The following LINGO2 variants were observed in gnomAD, a reference collection of about 807,000 sequenced individuals.
LINGO2 encodes the protein leucine rich repeat and Ig domain containing 2, also known as leucine-rich repeat and immunoglobulin-like domain-containing nogo receptor-interacting protein 2.
In LINGO2, 14 loss-of-function variants were observed where a neutral mutation model predicts 30.6. The observed-to-expected ratio is 0.46, with a 90% CI of 0.30 to 0.72. LINGO2 has a LOEUF of 0.72. LINGO2 is among the 30% of genes least tolerant of loss of function. The pLI, the probability that LINGO2 is intolerant of heterozygous loss-of-function variation, is 0.07. For synonymous variants in LINGO2, 317 were observed against 288.5 expected (o/e 1.10, Z -1.00); for missense variants, 729 against 751.7 (o/e 0.97, Z 0.35).
chr9:28,752,228 G>A, the LINGO2 span, among the ~76,000 whole-genome samples: 7 of 151,990 alleles, frequency 4.6e-5, no homozygotes, highest in South Asian at 1.2e-3. Context: ...AAAATGGCAG[G>A]AGTAACAAAT....
intron 3 of LINGO2, among the ~76,000 whole-genome samples, chr9:28,320,578 C>T (rs1825003681): frequency 6.6e-6 from 1 of 152,070 alleles, no homozygotes; most frequent in South Asian, 2.1e-4. Context: ...TTCACTTAGG[C>T]AATATGTTCT....
the LINGO2 span, among the ~76,000 whole-genome samples, chr9:28,915,899 C>T: frequency 6.6e-6 from 1 of 152,146 alleles, no homozygotes; most frequent in Non-Finnish European, 1.5e-5. Context: ...GCTAATGTCT[C>T]AAGATATCCT....
rs572889769 is a variant in LINGO2, at chr9:28,268,885, A to T, written c.-87+26323T>A. Among the ~76,000 whole-genome samples, 19 of 152,180 alleles carry T rather than the reference A, an allele frequency of 1.2e-4. No homozygotes were observed. The East Asian group carries it at 3.7e-3, about 30-fold the overall frequency. On this transcript the variant is annotated intron_variant, in intron 4 of 5. Transcript: ENST00000379992. ...ATCTAAATGGAGGAATAAATTTTTTAAATCCACAGTTTGGTATACAAGTCT... is the reference window on the plus strand; with the variant it reads ...ATCTAAATGGAGGAATAAATTTTTTTAATCCACAGTTTGGTATACAAGTCT...
the LINGO2 span, among the ~76,000 whole-genome samples, chr9:28,942,907 T>C: frequency 6.6e-6 from 1 of 152,186 alleles, no homozygotes; most frequent in Admixed American, 6.5e-5. Flanking sequence ...ATCATTACAT[T>C]TATCTAAGAG....
chr9:28,588,524 G>A (rs942686428), intron 1 of LINGO2, among the ~76,000 whole-genome samples: 1 of 151,834 alleles, frequency 6.6e-6, no homozygotes, highest in African/African-American at 2.4e-5. Flanking sequence ...CTGGGAGCCT[G>A]GGGATGGTGG....
the LINGO2 span, among the ~76,000 whole-genome samples, chr9:28,997,378 T>C: frequency 1.3e-5 from 2 of 152,228 alleles, no homozygotes; most frequent in Non-Finnish European, 2.9e-5. Flanking sequence ...TCAAGCATTG[T>C]GCTAAATACT....
chr9:28,990,734 C>T, the LINGO2 span, among the ~76,000 whole-genome samples: 2 of 135,004 alleles, frequency 1.5e-5, no homozygotes, highest in Admixed American at 7.9e-5. Context: ...ACTGCTGATA[C>T]CCAGGCTAAC....
the LINGO2 span, among the ~76,000 whole-genome samples, chr9:28,954,461 G>A: frequency 1.3e-5 from 2 of 152,010 alleles, no homozygotes; most frequent in African/African-American, 4.8e-5. Flanking sequence ...ACTGTTAAGT[G>A]ACCTGCCATT....
At chr9:28,632,866 A>T (rs1587993406) in intron 1 of LINGO2, among the ~76,000 whole-genome samples, 1 of 108,212 alleles carries the variant, frequency 9.2e-6, no homozygotes, top group Admixed American at 1.2e-4. Context: ...TTATATATAT[A>T]TATATATATA....
chr9:28,162,546 A>G (rs1828316327), intron 4 of LINGO2, among the ~76,000 whole-genome samples: 1 of 152,192 alleles, frequency 6.6e-6, no homozygotes, highest in Non-Finnish European at 1.5e-5. Flanking sequence ...AATGAAGGAT[A>G]AAATGCTTGA....
chr9:29,085,011 A>G, the LINGO2 span, among the ~76,000 whole-genome samples: 1 of 151,944 alleles, frequency 6.6e-6, no homozygotes, highest in Non-Finnish European at 1.5e-5. Context: ...TTATTGCTCA[A>G]TTAGAAATTC....
chr9:28,235,360 C>G (rs1256144603), intron 4 of LINGO2, among the ~76,000 whole-genome samples: 2 of 152,130 alleles, frequency 1.3e-5, no homozygotes, highest in Non-Finnish European at 1.5e-5. Flanking sequence ...AAAGCCTCCC[C>G]AGGAAGGACA....
At chr9:28,970,527 AC>A in the LINGO2 span, among the ~76,000 whole-genome samples, 1 of 151,472 alleles carries the variant, frequency 6.6e-6, no homozygotes. Flanking sequence ...CCCCTCCCCC[AC>A]CCCCCAGCAG....
At chr9:29,204,699 T>C in the LINGO2 span, among the ~76,000 whole-genome samples, 5 of 152,228 alleles carry the variant, frequency 3.3e-5, no homozygotes, top group Admixed American at 2.0e-4. Context: ...CATTTGTTTA[T>C]CTATTTTCCT....
chr9:28,398,462 G>T (rs148070123), intron 2 of LINGO2, among the ~76,000 whole-genome samples: 3 of 151,854 alleles, frequency 2.0e-5, no homozygotes, highest in Admixed American at 6.6e-5. Context: ...ACTTGATTTG[G>T]TATAAAAACC....
intron 2 of LINGO2, among the ~76,000 whole-genome samples, chr9:28,469,290 G>T (rs1012846355): frequency 6.6e-6 from 1 of 150,882 alleles, no homozygotes; most frequent in Non-Finnish European, 1.5e-5. Context: ...AAAGAGTAAA[G>T]AAAAGTGAAC....
chr9:28,305,472 T>C (rs1295495017), intron 3 of LINGO2, among the ~76,000 whole-genome samples: 1 of 152,032 alleles, frequency 6.6e-6, no homozygotes, highest in Non-Finnish European at 1.5e-5. Flanking sequence ...TATTGGAATC[T>C]ACACAAAAAG....
At chr9:28,857,747 A>G in the LINGO2 span, among the ~76,000 whole-genome samples, 1 of 152,092 alleles carries the variant, frequency 6.6e-6, no homozygotes, top group Non-Finnish European at 1.5e-5. Context: ...TAAAATTCTT[A>G]AGACTTAACA....
At chr9:28,376,754 A>C (rs1442026124) in intron 2 of LINGO2, among the ~76,000 whole-genome samples, 1 of 152,182 alleles carries the variant, frequency 6.6e-6, no homozygotes, top group Non-Finnish European at 1.5e-5. Flanking sequence ...GTTTCACCAG[A>C]AAATTTACCT....
Sources: gnomAD v4.1 joint callset for allele counts (sites outside exome capture counted in the v4.1 genomes callset) on GRCh38, gnomAD v4.1.1 for gene constraint, MANE v1.5 for transcripts, NCBI Gene and HGNC (gene_info 2026-07-23, HGNC 2026-07-21) for gene names.